Variants in DNM3 observed in about 807,000 individuals in gnomAD.
The protein encoded by DNM3 is dynamin 3, also known as dynamin-3.
A neutral mutation model predicts 101.6 loss-of-function variants in DNM3; 47 were observed. The observed-to-expected ratio is 0.46, with a 90% confidence interval of 0.37 to 0.59. The LOEUF (loss-of-function observed/expected upper bound fraction) is 0.59. Among genes scored for constraint, DNM3 ranks in the 20% least tolerant of loss-of-function variants. The pLI is 0.00. For synonymous variants in DNM3, 385 were observed against 387.9 expected (o/e 0.99, Z 0.09); for missense variants, 849 against 1,085.7 (o/e 0.78, Z 3.06).
chr1:172,167,575 G>T (rs906153866), intron 14 of DNM3, among the ~76,000 whole-genome samples: 2 of 151,994 alleles, frequency 1.3e-5, no homozygotes, highest in Non-Finnish European at 2.9e-5. Flanking sequence ...ATGCTCTCCA[G>T]CACCTGTTGT....
downstream of DNM3, among the ~76,000 whole-genome samples, chr1:172,415,749 C>T (rs929686538): frequency 1.3e-5 from 2 of 151,940 alleles, no homozygotes; most frequent in Admixed American, 6.6e-5. Context: ...AGGCTGGTCT[C>T]GAACTCCTGA....
intron 11 of DNM3, among the ~76,000 whole-genome samples, chr1:172,076,969 A>G (rs1483833355): frequency 1.3e-5 from 2 of 152,178 alleles, no homozygotes; most frequent in African/African-American, 4.8e-5. Flanking sequence ...TTGGTAGGCT[A>G]TTAATGACTG....
At chr1:172,069,716 A>T (rs978464026) in intron 11 of DNM3, among the ~76,000 whole-genome samples, 2 of 152,240 alleles carry the variant, frequency 1.3e-5, no homozygotes, top group Non-Finnish European at 2.9e-5. Flanking sequence ...GACTTAGGCC[A>T]TGTGCTCGCC....
intron 16 of DNM3, among the ~76,000 whole-genome samples, chr1:172,311,958 T>G (rs1005298203): frequency 6.6e-6 from 1 of 152,256 alleles, no homozygotes; most frequent in Non-Finnish European, 1.5e-5. Context: ...AAACAATATT[T>G]GCATTTCTTA....
intron 1 of DNM3, among the ~76,000 whole-genome samples, chr1:171,858,177 A>T (rs573141923): frequency 1.1e-4 from 17 of 152,318 alleles, no homozygotes; most frequent in African/African-American, 4.1e-4. Context: ...TGTTGATCTG[A>T]CTTAGATGGG....
At chr1:172,038,269 G>C in intron 6 of DNM3, 50 bp from the exon 7 acceptor site, 2 of 1,605,416 alleles carry the variant, frequency 1.2e-6, no homozygotes, top group Non-Finnish European at 1.7e-6. Flanking sequence ...TCTTTAATCT[G>C]TGTATATGAT....
chr1:172,184,448 T>G (rs575531134), intron 14 of DNM3, among the ~76,000 whole-genome samples: 3 of 152,248 alleles, frequency 2.0e-5, no homozygotes, highest in African/African-American at 7.2e-5. Context: ...AATTTGAAAT[T>G]AATTTTTTTT....
intron 1 of DNM3, among the ~76,000 whole-genome samples, chr1:171,906,085 T>C (rs1339990175): frequency 1.3e-5 from 2 of 152,048 alleles, no homozygotes; most frequent in African/African-American, 4.8e-5. Context: ...TGAAATGGCT[T>C]GTCAAGTATT....
intron 15 of DNM3, among the ~76,000 whole-genome samples, chr1:172,277,434 A>T (rs962150354): frequency 2.0e-5 from 3 of 152,022 alleles, no homozygotes; most frequent in Non-Finnish European, 2.9e-5. Flanking sequence ...AAATGGTCCA[A>T]ACTGTAGTCA....
At chr1:172,377,091 T>C (rs1217545499) in intron 17 of DNM3, among the ~76,000 whole-genome samples, 2 of 152,074 alleles carry the variant, frequency 1.3e-5, no homozygotes, top group African/African-American at 4.8e-5. Context: ...AATTATTTAT[T>C]TTTTATAACT....
At chr1:172,146,632 A>G (rs1213231608) in intron 14 of DNM3, among the ~76,000 whole-genome samples, 1 of 152,132 alleles carries the variant, frequency 6.6e-6, no homozygotes, top group Non-Finnish European at 1.5e-5. Context: ...CTTGTATTAT[A>G]TGTGGATACC....
intron 5 of DNM3, 124 bp downstream of exon 5, chr1:172,032,624 G>A (rs1264720255): frequency 1.9e-6 from 1 of 523,146 alleles, no homozygotes; most frequent in Non-Finnish European, 3.2e-6. Context: ...CAGTTGTAAG[G>A]AATGGATTTA....
intron 1 of DNM3, among the ~76,000 whole-genome samples, chr1:171,911,874 G>C (rs1263065636): frequency 6.6e-6 from 1 of 152,022 alleles, no homozygotes; most frequent in Non-Finnish European, 1.5e-5. Flanking sequence ...AACTTTTCTA[G>C]TCACTGTCGT....
chr1:172,330,556 TA>T (rs1391966377), intron 17 of DNM3, among the ~76,000 whole-genome samples: 1 of 152,054 alleles, frequency 6.6e-6, no homozygotes, highest in Non-Finnish European at 1.5e-5. Flanking sequence ...ATTTTAAAAA[TA>T]AAGAAATTCT....
chr1:172,241,162 C>A (rs933814021), intron 14 of DNM3, among the ~76,000 whole-genome samples: 2 of 151,882 alleles, frequency 1.3e-5, no homozygotes, highest in Admixed American at 1.3e-4. Flanking sequence ...AATGCCATCT[C>A]TCTCACTCAC....
At chr1:171,966,188 A>G (rs111386998) in intron 2 of DNM3, among the ~76,000 whole-genome samples, 99 of 152,236 alleles carry the variant, frequency 6.5e-4, no homozygotes, top group Middle Eastern at 3.4e-3. Flanking sequence ...CACGTGGCCC[A>G]CATCTGTTCT....
intron 17 of DNM3, among the ~76,000 whole-genome samples, chr1:172,331,198 G>A (rs996686122): frequency 3.3e-5 from 5 of 152,054 alleles, no homozygotes; most frequent in Admixed American, 6.6e-5. Flanking sequence ...ACCTGTCAGC[G>A]CTGTTGACTA....
chr1:172,396,666 C>T (rs1046062657), intron 20 of DNM3, among the ~76,000 whole-genome samples: 2 of 152,124 alleles, frequency 1.3e-5, no homozygotes, highest in African/African-American at 2.4e-5. Flanking sequence ...TGGGAATGGT[C>T]TTATTTTACA....
chr1:172,405,259 T>C (rs2070789157), intron 20 of DNM3, among the ~76,000 whole-genome samples: 1 of 152,082 alleles, frequency 6.6e-6, no homozygotes, highest in Non-Finnish European at 1.5e-5. Flanking sequence ...TGAATACACA[T>C]AATAAATGCA....
Sources: allele counts gnomAD v4.1 joint callset (sites outside exome capture counted in the v4.1 genomes callset), GRCh38; gene constraint gnomAD v4.1.1; transcripts MANE v1.5; gene names NCBI Gene and HGNC (gene_info 2026-07-23, HGNC 2026-07-21).